The following ERI1 variants were observed in gnomAD, a reference collection of about 807,000 sequenced individuals.
ERI1 encodes 3'-5' exoribonuclease 1.
A neutral mutation model predicts 39.7 loss-of-function variants in ERI1; 39 were observed. That is an observed-to-expected ratio of 0.98 (90% confidence interval 0.76 to 1.28). The LOEUF (loss-of-function observed/expected upper bound fraction) is 1.28. Among genes scored for constraint, ERI1 ranks in the 50% most tolerant of loss-of-function variants. The probability of loss-of-function intolerance (pLI) is 0.00; values close to 1 mark genes in which losing one functional copy is unlikely to be tolerated. For missense variants in ERI1, 581 were observed against 416.9 expected (o/e 1.39, Z -3.43); for synonymous variants, 204 against 149.6 (o/e 1.36, Z -2.65).
intron 6 of ERI1, among the ~76,000 whole-genome samples, chr8:9,021,056 T>G (rs1439569691): frequency 6.6e-6 from 1 of 152,206 alleles, no homozygotes; most frequent in Non-Finnish European, 1.5e-5. Flanking sequence ...AAGTTACCAC[T>G]CCTGCTTGTC....
intron 3 of ERI1, among the ~76,000 whole-genome samples, chr8:9,068,110 A>G (rs1798938609): frequency 6.6e-6 from 1 of 152,208 alleles, no homozygotes; most frequent in African/African-American, 2.4e-5. Context: ...CATCTAATCC[A>G]GAATTGCTTT....
rs376506896 is a variant in ERI1 at position 9,020,383 on chromosome 8, G to A, written c.726G>A (p.Gln242=). The A allele has an allele frequency of 2.0e-5, 32 of 1,602,346 alleles. No individual in the cohort carries two copies. Among genetic ancestry groups the A allele is most frequent in the African/African-American group, 1.5e-4 (11 of 74,574 alleles). The part of the protein sequence containing the change: ...SWDMSKFLNI[Q]CQLSRLKYPP... Reference sequence around the variant, plus strand: ...ATATGAGTAAGTTCTTGAACATTCAGTGTCAACTCAGCAGGCTCAAATACC... The same window carrying A: ...ATATGAGTAAGTTCTTGAACATTCAATGTCAACTCAGCAGGCTCAAATACC... Residue 242 remains glutamine, a synonymous_variant, in exon 6 of 7, where the codon CAG becomes CAA. Coordinates refer to ENST00000250263, the MANE Select transcript of ERI1 (RefSeq NM_153332.4).
At chr8:9,056,504 C>T (rs1040971887) in intron 3 of ERI1, among the ~76,000 whole-genome samples, 3 of 145,280 alleles carry the variant, frequency 2.1e-5, no homozygotes, top group Non-Finnish European at 4.5e-5. Flanking sequence ...ATAAATGCAT[C>T]TGTAAGTAAA....
intron 3 of ERI1, among the ~76,000 whole-genome samples, chr8:9,064,709 G>A (rs1308163424): frequency 1.3e-5 from 2 of 152,130 alleles, no homozygotes; most frequent in Non-Finnish European, 2.9e-5. Context: ...GTCCTAGGTG[G>A]ATCTTTTTCA....
intron 3 of ERI1, among the ~76,000 whole-genome samples, chr8:9,093,570 C>G (rs68028738): frequency 0.13 from 18,990 of 150,628 alleles, 1,305 homozygotes; most frequent in Non-Finnish European, 0.15. Flanking sequence ...CAGCTTAAGA[C>G]TGTTTATTTA....
At chr8:9,039,676 G>C (rs1797956851) in intron 3 of ERI1, among the ~76,000 whole-genome samples, 1 of 152,122 alleles carries the variant, frequency 6.6e-6, no homozygotes, top group African/African-American at 2.4e-5. Context: ...GCAGAATTAA[G>C]AATCAAATAA....
At chr8:9,058,308 A>G (rs1374438536) in intron 3 of ERI1, among the ~76,000 whole-genome samples, 1 of 152,200 alleles carries the variant, frequency 6.6e-6, no homozygotes, top group Non-Finnish European at 1.5e-5. Context: ...GTTTCTATTT[A>G]AGACCTCGTA....
At chr8:9,038,331 T>C (rs1357876323), downstream of ERI1, among the ~76,000 whole-genome samples, 1 of 152,220 alleles carries the variant, frequency 6.6e-6, no homozygotes, top group Non-Finnish European at 1.5e-5. Context: ...AACAAGATAT[T>C]TTGAGAGAGG....
chr8:9,029,082 C>T (rs1311019118), intron 6 of ERI1, among the ~76,000 whole-genome samples: 8 of 150,168 alleles, frequency 5.3e-5, no homozygotes, highest in Non-Finnish European at 1.2e-4. Context: ...TATCTTTAGC[C>T]ATCCAAAAAG....
At chr8:9,052,362 G>C (rs1275887752) in intron 3 of ERI1, among the ~76,000 whole-genome samples, 1 of 151,824 alleles carries the variant, frequency 6.6e-6, no homozygotes, top group African/African-American at 2.4e-5. Flanking sequence ...ATTGAGTCAG[G>C]CGTCTCTTGC....
At chr8:9,094,063 A>C (rs570208126) in intron 3 of ERI1, among the ~76,000 whole-genome samples, 1 of 151,684 alleles carries the variant, frequency 6.6e-6, no homozygotes, top group African/African-American at 2.4e-5. Context: ...AATAATTGTT[A>C]TAAACTAATT....
chr8:9,045,972 C>T (rs777371981), intron 3 of ERI1, among the ~76,000 whole-genome samples: 1 of 152,152 alleles, frequency 6.6e-6, no homozygotes, highest in Non-Finnish European at 1.5e-5. Flanking sequence ...AGCCACTGCA[C>T]GTGGCCATAT....
chr8:9,069,766 A>G (rs111906407), intron 3 of ERI1, among the ~76,000 whole-genome samples: 53 of 152,324 alleles, frequency 3.5e-4, no homozygotes, highest in African/African-American at 1.2e-3. Flanking sequence ...AAAAAAAGTA[A>G]AGTATTACTT....
chr8:9,097,295 T>C (rs146857379), intron 3 of ERI1, among the ~76,000 whole-genome samples: 87 of 152,358 alleles, frequency 5.7e-4, no homozygotes, highest in African/African-American at 1.9e-3. Flanking sequence ...TCGAGTGTTT[T>C]TGTGCTAGGC....
chr8:9,079,501 A>C (rs974194472), intron 3 of ERI1, among the ~76,000 whole-genome samples: 2 of 152,246 alleles, frequency 1.3e-5, no homozygotes, highest in Non-Finnish European at 2.9e-5. Context: ...TGTGTCCAGA[A>C]TGGGCTAGCA....
intron 3 of ERI1, among the ~76,000 whole-genome samples, chr8:9,078,928 A>C (rs1477012130): frequency 6.6e-6 from 1 of 152,310 alleles, no homozygotes; most frequent in East Asian, 1.9e-4. Flanking sequence ...AATCGCTACT[A>C]GTGCTGAGTG....
intron 6 of ERI1, among the ~76,000 whole-genome samples, chr8:9,027,757 A>C (rs1797289779): frequency 6.6e-6 from 1 of 152,112 alleles, no homozygotes; most frequent in African/African-American, 2.4e-5. Context: ...CCATTGATTC[A>C]ATGTATTTGT....
chr8:9,040,866 C>G (rs1797995615), intron 3 of ERI1, among the ~76,000 whole-genome samples: 1 of 152,106 alleles, frequency 6.6e-6, no homozygotes, highest in Admixed American at 6.6e-5. Flanking sequence ...AGAAGCCTCT[C>G]CATCAGCCCG....
chr8:9,015,944 C>G (rs1000932641), intron 3 of ERI1, among the ~76,000 whole-genome samples: 3 of 152,044 alleles, frequency 2.0e-5, no homozygotes, highest in African/African-American at 7.2e-5. Context: ...TAACTGCAGG[C>G]TGGCATTTCT....
Sources: allele counts gnomAD v4.1 joint callset (sites outside exome capture counted in the v4.1 genomes callset), GRCh38; gene constraint gnomAD v4.1.1; transcripts MANE v1.5; gene names NCBI Gene and HGNC (gene_info 2026-07-23, HGNC 2026-07-21).